NRDC: variants seen among roughly 807,000 people sequenced by gnomAD.
The protein encoded by NRDC is nardilysin convertase.
Under a neutral mutation model 147.1 loss-of-function variants are expected in NRDC, and 54 were observed. The ratio of observed to expected loss-of-function variants is 0.37; its 90% CI spans 0.29 to 0.46. The LOEUF (loss-of-function observed/expected upper bound fraction) is 0.46, where lower values mean the gene tolerates loss of function less well. NRDC is among the 20% of genes least tolerant of loss of function. NRDC has a pLI of 1.00. For synonymous variants in NRDC, 440 were observed against 482.1 expected, an observed-to-expected ratio of 0.91 and a Z score of 1.14; for missense variants, 1,082 against 1,370.6, an observed-to-expected ratio of 0.79 and a Z score of 3.33.
chr1:51,818,232 A>C, intron 9 of NRDC, 97 bp from the exon 10 acceptor site: 1 of 800,432 alleles, frequency 1.2e-6, no homozygotes, highest in Non-Finnish European at 1.9e-6. Context: ...TCCTCCAATA[A>C]ACAAGGAAAG....
At chr1:51,863,931 T>C (rs1312311090) in intron 1 of NRDC, among the ~76,000 whole-genome samples, 1 of 152,242 alleles carries the variant, frequency 6.6e-6, no homozygotes, top group African/African-American at 2.4e-5. Context: ...TAACCTAACC[T>C]ACTGAACATC....
intron 2 of NRDC, 28 bp downstream of exon 2, chr1:51,840,198 A>AT (rs1457567186): frequency 6.5e-7 from 1 of 1,549,954 alleles, no homozygotes. Flanking sequence ...GAATTCCCAA[A>AT]TTAGAAGAAA....
At chr1:51,831,077 A>C (rs1270764281) in intron 4 of NRDC, among the ~76,000 whole-genome samples, 1 of 152,196 alleles carries the variant, frequency 6.6e-6, no homozygotes, top group Non-Finnish European at 1.5e-5. Context: ...TTATCCTATT[A>C]ATGCAGTGGC....
chr1:51,835,350 C>A (rs559979114), intron 3 of NRDC, among the ~76,000 whole-genome samples: 15 of 152,004 alleles, frequency 9.9e-5, no homozygotes, highest in Admixed American at 2.0e-4. Context: ...AGTGAGCCAC[C>A]GCGCCCGGCC....
rs928006395 is a variant in NRDC, at chr1:51,796,744, A to C, written c.2604+1505T>G. Among the ~76,000 whole-genome samples the C allele has an allele frequency of 2.7e-5, 4 of 150,404 alleles. No homozygotes were observed. In the South Asian group the frequency reaches 8.4e-4, roughly 32 times the overall value. On this transcript the variant is annotated intron_variant, in intron 22 of 30. Coordinates refer to ENST00000352171, the MANE Select transcript of NRDC (RefSeq NM_001101662.2). Reference sequence around the variant, plus strand: ...CTGGAACTACAGGCATGTGCCACCAAGCCCGGCTAATTTTTGTATTTTTAG... The same window carrying C: ...CTGGAACTACAGGCATGTGCCACCACGCCCGGCTAATTTTTGTATTTTTAG...
intron 15 of NRDC, among the ~76,000 whole-genome samples, chr1:51,811,373 A>AG (rs1679705603): frequency 6.6e-6 from 1 of 152,296 alleles, no homozygotes; most frequent in East Asian, 1.9e-4. Context: ...ACTGGATCCC[A>AG]GGAGCACCCC....
chr1:51,794,681 A>G, intron 23 of NRDC, 71 bp from the exon 24 acceptor site: 2 of 1,595,542 alleles, frequency 1.3e-6, no homozygotes, highest in Non-Finnish European at 1.7e-6. Context: ...TAACTTTTCA[A>G]TTGCCTTGTA....
intron 21 of NRDC, among the ~76,000 whole-genome samples, chr1:51,800,279 T>C (rs1237857174): frequency 6.6e-6 from 1 of 152,178 alleles, no homozygotes; most frequent in Non-Finnish European, 1.5e-5. Flanking sequence ...GGCCTAAAAC[T>C]AGCACTTCTT....
At position 51,878,658 on chromosome 1, in the gene NRDC, C is replaced by T. The variant is rs986909732; in HGVS notation, c.-43G>A. 6.5e-7 allele frequency: 1 copy of T among 1,536,828 alleles called. No individual in the cohort carries two copies. Among genetic ancestry groups the T allele is most frequent in the Admixed American group, 1.9e-5 (1 of 52,292 alleles). On this transcript the variant is annotated 5_prime_UTR_variant, in exon 1 of 31. Coordinates refer to ENST00000352171, the MANE Select transcript of NRDC (RefSeq NM_001101662.2). ...CGATGGACATCCCGCTTCCCAGGAC[C>T]CACCTCCTCCGCGTTCTAGAGGCGG...
chr1:51,803,963 C>G lies in NRDC; in HGVS notation c.2164G>C (p.Val722Leu). 6.3e-7 allele frequency: 1 copy of G among 1,580,644 alleles called. No individual in the cohort carries two copies. Among genetic ancestry groups the G allele is most frequent in the African/African-American group, 1.4e-5 (1 of 73,684 alleles). ...TTGACAAAGATATCAAAGAGGACCA[C>G]ACTAAGAAGTACAAAATGCAAATGG... ...SPLIQKSAAN[V>L]VLFDIFVNIL... The change falls in exon 20 of 31, where the codon GTG (valine) becomes CTG (leucine). Residue 722 changes from valine (V) to leucine (L), a missense_variant and splice_region_variant. Transcript: ENST00000352171.
At chr1:51,845,299 T>C (rs1187498944) in intron 1 of NRDC, among the ~76,000 whole-genome samples, 1 of 152,120 alleles carries the variant, frequency 6.6e-6, no homozygotes, top group Admixed American at 6.6e-5. Context: ...TTTCATGAAA[T>C]GTCTCCTTTT....
At chr1:51,855,881 AT>A (rs987825496) in intron 1 of NRDC, among the ~76,000 whole-genome samples, 8 of 152,046 alleles carry the variant, frequency 5.3e-5, no homozygotes, top group South Asian at 2.1e-4. Context: ...TCAAAAAAAA[AT>A]AATAATGATA....
intron 13 of NRDC, 86 bp downstream of exon 13, chr1:51,814,465 C>T (rs1439427488): frequency 1.1e-5 from 14 of 1,319,320 alleles, no homozygotes; most frequent in East Asian, 4.6e-5. Context: ...ACCATCAAGG[C>T]AAGACTAAAG....
In NRDC at chr1:51,878,240, C is replaced by T. The variant is rs200478444; in HGVS notation, c.341+35G>A. On this transcript the variant is annotated intron_variant, in intron 1 of 30. Transcript: ENST00000352171. The stretch of plus-strand genomic sequence containing the variant: ...CGGCACCGACAGAGAAGCCGGCACA[C>T]TGTTCGCCTCCCCATTGCAAGCCTC... The T allele has an allele frequency of 2.5e-4, 391 of 1,578,800 alleles. 7 individuals carry two copies. The South Asian group carries it at 4.2e-3, about 17-fold the overall frequency.
At position 51,878,677 on chromosome 1, in the gene NRDC, G is replaced by A; in HGVS notation, c.-62C>T. 2.0e-6 allele frequency: 3 copies of A among 1,467,404 alleles called. No individual in the cohort carries two copies. Among genetic ancestry groups the A allele is most frequent in the South Asian group, 2.5e-5 (2 of 80,160 alleles). 90.9% of individuals were successfully genotyped at this position (1,467,404 alleles called of 1,614,324 possible). The stretch of plus-strand genomic sequence containing the variant: ...CAGGACCCACCTCCTCCGCGTTCTA[G>A]AGGCGGTGGCGGCCGGCCCTGGTGC... On this transcript the variant is annotated 5_prime_UTR_variant, in exon 1 of 31. Transcript: ENST00000352171.
chr1:51,822,474 G>A (rs997412644), intron 7 of NRDC, among the ~76,000 whole-genome samples: 2 of 152,174 alleles, frequency 1.3e-5, no homozygotes, highest in African/African-American at 4.8e-5. Context: ...CCAGGCATTT[G>A]AGGTTACAAT....
intron 1 of NRDC, among the ~76,000 whole-genome samples, chr1:51,877,625 A>G (rs6663305): frequency 0.38 from 57,695 of 151,976 alleles, 11,518 homozygotes; most frequent in South Asian, 0.48. Context: ...ATGTTTAGAG[A>G]ACTCCTGTAC....
chr1:51,858,302 A>C (rs1682356879), intron 1 of NRDC, among the ~76,000 whole-genome samples: 1 of 152,118 alleles, frequency 6.6e-6, no homozygotes, highest in Non-Finnish European at 1.5e-5. Flanking sequence ...CAACATAGTG[A>C]GATCTCCTCT....
chr1:51,836,088 G>C (rs1364243649), intron 3 of NRDC, 43 bp downstream of exon 3: 1 of 1,448,732 alleles, frequency 6.9e-7, no homozygotes, highest in Non-Finnish European at 9.7e-7. Context: ...AGTTTGGAGG[G>C]GGGAAAAAAA....
Sources: gnomAD v4.1 joint callset for allele counts (sites outside exome capture counted in the v4.1 genomes callset) on GRCh38, gnomAD v4.1.1 for gene constraint, MANE v1.5 for transcripts, NCBI Gene and HGNC (gene_info 2026-07-23, HGNC 2026-07-21) for gene names.